DPP6: variants seen among roughly 807,000 people sequenced by gnomAD.
DPP6 encodes dipeptidyl peptidase like 6.
DPP6 carries 69 observed loss-of-function variants against 122.6 expected under a neutral mutation model. The observed-to-expected ratio is 0.56, with a 90% CI of 0.46 to 0.69. The LOEUF is 0.69. Ranked by LOEUF, DPP6 falls within the 30% of genes least tolerant of loss-of-function variation. The pLI is 0.00. For missense variants in DPP6, 928 were observed against 1,116.9 expected, an observed-to-expected ratio of 0.83 and a Z score of 2.41; for synonymous variants, 418 against 433.1, an observed-to-expected ratio of 0.97 and a Z score of 0.43.
the DPP6 span, among the ~76,000 whole-genome samples, chr7:153,762,312 AAAAAT>A: frequency 6.6e-6 from 1 of 152,044 alleles, no homozygotes; most frequent in East Asian, 1.9e-4. Context: ...CATGATATGA[AAAAAT>A]AAAAACAATA....
chr7:154,670,480 G>A (rs6597493), intron 7 of DPP6, among the ~76,000 whole-genome samples: 147,321 of 152,328 alleles, frequency 0.97, 71,415 homozygotes, highest in East Asian at 1. Flanking sequence ...GGATAATACG[G>A]TCCTTCAGGT....
At chr7:154,056,379 G>T (rs531331660) in intron 1 of DPP6, among the ~76,000 whole-genome samples, 1 of 152,318 alleles carries the variant, frequency 6.6e-6, no homozygotes, top group East Asian at 1.9e-4. Flanking sequence ...TAAAGGAATT[G>T]TTGCTGGAAG....
intron 1 of DPP6, among the ~76,000 whole-genome samples, chr7:154,382,139 G>C (rs745810868): frequency 7.0e-6 from 1 of 142,432 alleles, no homozygotes; most frequent in Non-Finnish European, 1.5e-5. Context: ...GAAGTGAGCC[G>C]CAGATGCAGG....
chr7:153,938,137 G>A (rs1488414656), intron 1 of DPP6, among the ~76,000 whole-genome samples: 3 of 152,124 alleles, frequency 2.0e-5, no homozygotes, highest in Non-Finnish European at 2.9e-5. Context: ...CTCCTCCCTG[G>A]TTGGAAGGAA....
At chr7:153,963,907 A>G (rs1795489648) in intron 1 of DPP6, among the ~76,000 whole-genome samples, 3 of 152,188 alleles carry the variant, frequency 2.0e-5, no homozygotes, top group African/African-American at 7.2e-5. Context: ...GACTTGGCTG[A>G]GCCCTTGCAG....
chr7:154,623,409 C>T (rs1001737398), intron 5 of DPP6, among the ~76,000 whole-genome samples: 3 of 152,148 alleles, frequency 2.0e-5, no homozygotes, highest in Admixed American at 6.6e-5. Flanking sequence ...AGGGGCGGTG[C>T]CTTTTGCTGC....
At chr7:154,362,410 T>G (rs2151100362) in intron 1 of DPP6, among the ~76,000 whole-genome samples, 1 of 152,104 alleles carries the variant, frequency 6.6e-6, no homozygotes, top group East Asian at 1.9e-4. Context: ...GCAATAGAGT[T>G]TTTTGTTTGT....
In DPP6 at chr7:154,821,687, T is replaced by C. The variant is rs888817720; in HGVS notation, c.1666+14575T>C. On this transcript the variant is annotated intron_variant, in intron 16 of 25. Transcript: ENST00000377770. The surrounding 1 kb of genome is among the most constrained non-coding windows in gnomAD (Gnocchi z 4.2). ...ATACACATATATATATACACACACATATATATATACACACACACATATATA... is the reference window on the plus strand; with the variant it reads ...ATACACATATATATATACACACACACATATATATACACACACACATATATA... Among the ~76,000 whole-genome samples, 19 of 146,294 alleles carry C rather than the reference T, an allele frequency of 1.3e-4. No individual in the cohort carries two copies. Among genetic ancestry groups the C allele is most frequent in the Admixed American group, 6.8e-4 (10 of 14,728 alleles).
chr7:154,736,041 G>A (rs1842555995), intron 8 of DPP6, among the ~76,000 whole-genome samples: 3 of 152,212 alleles, frequency 2.0e-5, no homozygotes. Flanking sequence ...AGGTCACCAG[G>A]AAACACCAGC....
At chr7:154,199,463 A>C (rs1454338464) in intron 1 of DPP6, among the ~76,000 whole-genome samples, 6 of 152,100 alleles carry the variant, frequency 3.9e-5, no homozygotes, top group Non-Finnish European at 8.8e-5. Flanking sequence ...ACTTTGGGCA[A>C]ACTTAATTGG....
intron 1 of DPP6, among the ~76,000 whole-genome samples, chr7:154,032,325 G>A (rs1302203053): frequency 1.3e-5 from 2 of 152,196 alleles, no homozygotes; most frequent in African/African-American, 2.4e-5. Flanking sequence ...CTGAGAAAGA[G>A]CAAGGAAGCC....
chr7:154,724,534 A>C (rs1398024788), intron 7 of DPP6, among the ~76,000 whole-genome samples: 1 of 151,726 alleles, frequency 6.6e-6, no homozygotes, highest in East Asian at 1.9e-4. Context: ...CTGCCTCCAT[A>C]CTCATCTTCA....
rs114689046 is a variant in DPP6 at position 154,812,922 on chromosome 7, G to A, written c.1666+5810G>A. Among the ~76,000 whole-genome samples the A allele has an allele frequency of 7.7e-3, 1,168 of 151,870 alleles. 13 individuals are homozygous for A. Among genetic ancestry groups the A allele is most frequent in the African/African-American group, 0.026 (1,085 of 41,372 alleles). ...AATTTTTCATTAACATTTCTTCAGC[G>A]GCTTCTCAATATTTGACATTTGTAT... On this transcript the variant is annotated intron_variant, in intron 16 of 25. Coordinates refer to ENST00000377770, the MANE Select transcript of DPP6 (RefSeq NM_130797.4).
chr7:154,214,531 G>A (rs11505645), intron 1 of DPP6, among the ~76,000 whole-genome samples: 4 of 152,262 alleles, frequency 2.6e-5, no homozygotes, highest in Admixed American at 1.3e-4. Context: ...ACCTCCAAAC[G>A]CCACCTTGCC....
chr7:153,852,715 T>C, the DPP6 span, among the ~76,000 whole-genome samples: 1 of 152,124 alleles, frequency 6.6e-6, no homozygotes, highest in Non-Finnish European at 1.5e-5. Flanking sequence ...ATGAAAAAAA[T>C]AGTTTACTTA....
At chr7:154,748,044 A>G (rs1843117283) in intron 8 of DPP6, among the ~76,000 whole-genome samples, 1 of 152,224 alleles carries the variant, frequency 6.6e-6, no homozygotes. Flanking sequence ...TGGTTTGCTT[A>G]CGTAATGGGT....
intron 1 of DPP6, among the ~76,000 whole-genome samples, chr7:154,191,326 AG>A (rs1798607631): frequency 6.6e-6 from 1 of 152,224 alleles, no homozygotes; most frequent in Non-Finnish European, 1.5e-5. Context: ...CTTCTTTTGT[AG>A]GCAGATAGAC....
chr7:154,600,258 G>C lies in DPP6; in HGVS notation c.627+33342G>C, dbSNP rs1489290366. ...TTCTCCTGACTCAGCCTCCTGAGTA[G>C]CTGGGATTACAGGCACTTGCCACCG... On this transcript the variant is annotated intron_variant, in intron 5 of 25. Coordinates refer to ENST00000377770, the MANE Select transcript of DPP6 (RefSeq NM_130797.4). Among the ~76,000 whole-genome samples the C allele has an allele frequency of 1.6e-5, 2 of 126,266 alleles. 1 individual carries two copies. Among genetic ancestry groups the C allele is most frequent in the African/African-American group, 5.2e-5 (2 of 38,662 alleles). The allele number at this position is 126,266 out of a possible 152,430, so 82.8% of individuals were successfully genotyped here.
In DPP6 at chr7:154,769,881, G is replaced by A. The variant is rs60369910; in HGVS notation, c.1038+310G>A. Among the ~76,000 whole-genome samples the A allele has an allele frequency of 7.3e-3, 1,105 of 152,140 alleles. 16 individuals carry two copies. The highest frequency in any genetic ancestry group is 0.026 in the African/African-American group (1,063 of 41,514). ...TGAAGGTGCACCTGCCCTCTCTCACGCATCTTATTTCTACTTTGAGTTTGG... is the reference window on the plus strand; with the variant it reads ...TGAAGGTGCACCTGCCCTCTCTCACACATCTTATTTCTACTTTGAGTTTGG... On this transcript the variant is annotated intron_variant, in intron 9 of 25. Coordinates refer to ENST00000377770, the MANE Select transcript of DPP6 (RefSeq NM_130797.4).
Sources: gnomAD v4.1 joint callset for allele counts (sites outside exome capture counted in the v4.1 genomes callset) on GRCh38, gnomAD v4.1.1 for gene constraint, Gnocchi (gnomAD v3.1) non-coding constraint, MANE v1.5 for transcripts, NCBI Gene and HGNC (gene_info 2026-07-23, HGNC 2026-07-21) for gene names.